The following C6orf163 variants were observed in gnomAD, a reference collection of about 807,000 sequenced individuals.
The protein encoded by C6orf163 is uncharacterized protein C6orf163.
Under a neutral mutation model 28.4 loss-of-function variants are expected in C6orf163, and 22 were observed. The ratio of observed to expected loss-of-function variants is 0.78; its 90% CI spans 0.55 to 1.11. The LOEUF is 1.11. Ranked by LOEUF, C6orf163 falls within the 50% of genes least tolerant of loss-of-function variation. C6orf163 has a pLI of 0.00. For missense variants in C6orf163, 342 were observed against 389.1 expected, an observed-to-expected ratio of 0.88 and a Z score of 1.02; for synonymous variants, 110 against 123.6, an observed-to-expected ratio of 0.89 and a Z score of 0.73.
chr6:87,350,062 A>T (rs574198691), intron 2 of C6orf163, among the ~76,000 whole-genome samples: 2 of 152,296 alleles, frequency 1.3e-5, no homozygotes, highest in East Asian at 3.9e-4. Context: ...CAATGCACAT[A>T]TGTTACTTTG....
At chr6:87,349,862 G>A (rs1004362706) in intron 2 of C6orf163, among the ~76,000 whole-genome samples, 1 of 152,162 alleles carries the variant, frequency 6.6e-6, no homozygotes, top group African/African-American at 2.4e-5. Context: ...CCTAATACAA[G>A]GTGATGCGTT....
chr6:87,348,246 G>C, intron 1 of C6orf163: 1 of 984,142 alleles, frequency 1.0e-6, no homozygotes, highest in African/African-American at 1.7e-5. Flanking sequence ...CCTTGTCTGG[G>C]TAGAGAGGAT....
intron 4 of C6orf163, among the ~76,000 whole-genome samples, chr6:87,360,209 A>G (rs924984210): frequency 1.3e-5 from 2 of 152,162 alleles, no homozygotes; most frequent in African/African-American, 2.4e-5. Flanking sequence ...GGAAAAACCA[A>G]AAAGTACTAA....
At chr6:87,353,708 C>A (rs1199766210) in intron 3 of C6orf163, among the ~76,000 whole-genome samples, 1 of 152,094 alleles carries the variant, frequency 6.6e-6, no homozygotes, top group Non-Finnish European at 1.5e-5. Context: ...GTTAAAATAT[C>A]CCCCTAAGGA....
intron 4 of C6orf163, among the ~76,000 whole-genome samples, chr6:87,364,168 C>T (rs948784449): frequency 6.6e-5 from 10 of 151,932 alleles, no homozygotes; most frequent in African/African-American, 2.4e-4. Context: ...ACCTGTAATC[C>T]CAGCTACTCT....
chr6:87,350,137 A>G (rs1394055269), intron 2 of C6orf163, among the ~76,000 whole-genome samples: 1 of 152,262 alleles, frequency 6.6e-6, no homozygotes, highest in Non-Finnish European at 1.5e-5. Flanking sequence ...TACATACAGT[A>G]AAGCTGCCTT....
rs747204950 is a variant in C6orf163 at position 87,348,540 on chromosome 6, G to T, written c.149-272G>T. 5.2e-6 allele frequency: 6 copies of T among 1,159,066 alleles called. No homozygotes were observed. The African/African-American group carries it at 6.4e-5, about 12-fold the overall frequency. 71.8% of individuals were successfully genotyped at this position (1,159,066 alleles called of 1,614,324 possible). ...GTGTACAAAATATGTCCCTTTCTTC[G>T]GGCATTTATTTCACCTCCCCAGTTG... On this transcript the variant is annotated intron_variant, in intron 1 of 4. Transcript: ENST00000388923.
At chr6:87,350,252 T>A in intron 2 of C6orf163, 142 bp from the exon 3 acceptor site, 2 of 622,232 alleles carry the variant, frequency 3.2e-6, no homozygotes, top group Non-Finnish European at 2.8e-6. Flanking sequence ...GAGATGGGAA[T>A]GGGGCAAGAA....
chr6:87,357,439 A>C (rs450712), intron 4 of C6orf163: 134,134 of 152,126 alleles, frequency 0.88, 59,219 homozygotes, highest in South Asian at 0.93. Context: ...ACAAACAGAT[A>C]CATTTCTATA....
intron 2 of C6orf163, among the ~76,000 whole-genome samples, chr6:87,350,001 C>T (rs1673251722): frequency 1.3e-5 from 2 of 152,224 alleles, no homozygotes; most frequent in Non-Finnish European, 2.9e-5. Flanking sequence ...TTACTCAGCT[C>T]CTTCTAGCTT....
intron 4 of C6orf163, 138 bp from the exon 5 acceptor site, chr6:87,364,823 A>G (rs1258401309): frequency 1.5e-6 from 1 of 661,868 alleles, no homozygotes; most frequent in East Asian, 2.7e-5. Context: ...AATGCAATCC[A>G]AAAGCTCATC....
intron 1 of C6orf163, chr6:87,348,008 TAGTC>T (rs879710283): frequency 2.1e-5 from 11 of 524,042 alleles, no homozygotes; most frequent in East Asian, 1.5e-4. Flanking sequence ...ATACAAAAAT[TAGTC>T]AGGCATGGTG....
intron 4 of C6orf163, among the ~76,000 whole-genome samples, chr6:87,363,306 A>C (rs943830941): frequency 6.8e-6 from 1 of 147,768 alleles, no homozygotes; most frequent in Admixed American, 6.9e-5. Flanking sequence ...GAGGCAGTCC[A>C]TGACATTAAA....
chr6:87,356,266 T>C (rs1777499979), intron 3 of C6orf163, 35 bp from the exon 4 acceptor site: 1 of 1,524,568 alleles, frequency 6.6e-7, no homozygotes. Context: ...ACATTAAGTC[T>C]GTAATAGCTA....
chr6:87,348,361 C>T, intron 1 of C6orf163: 1 of 987,154 alleles, frequency 1.0e-6, no homozygotes, highest in Non-Finnish European at 1.2e-6. Context: ...GTTAAACCCA[C>T]AAAGAACCAC....
chr6:87,351,416 G>T (rs1390562444), intron 3 of C6orf163, among the ~76,000 whole-genome samples: 1 of 152,146 alleles, frequency 6.6e-6, no homozygotes, highest in Non-Finnish European at 1.5e-5. Context: ...GATCTGTACC[G>T]GGTGAGATAA....
intron 1 of C6orf163, chr6:87,347,907 G>C: frequency 1.0e-6 from 1 of 981,166 alleles, no homozygotes; most frequent in Non-Finnish European, 1.2e-6. Flanking sequence ...TGTAATCCTA[G>C]CACTTTGGGA....
intron 4 of C6orf163, among the ~76,000 whole-genome samples, chr6:87,360,076 A>T (rs1047775018): frequency 6.6e-6 from 1 of 152,130 alleles, no homozygotes; most frequent in Non-Finnish European, 1.5e-5. Context: ...CCTAATGTGG[A>T]TCCAAAAACT....
rs571491453 is a variant in C6orf163, at chr6:87,347,619, A to G, written c.149-1193A>G. On this transcript the variant is annotated intron_variant, in intron 1 of 4. Transcript: ENST00000388923. ...TAGGAGACTCTGTGCCGCCAAACATATACTTTTAATTGCTAGTGACAGAAA... is the reference window on the plus strand; with the variant it reads ...TAGGAGACTCTGTGCCGCCAAACATGTACTTTTAATTGCTAGTGACAGAAA... 1.0e-5 allele frequency: 10 copies of G among 985,414 alleles called. No individual in the cohort carries two copies. The South Asian group carries it at 3.8e-4, about 37-fold the overall frequency. The allele number at this position is 985,414 out of a possible 1,614,324, so 61.0% of individuals were successfully genotyped here. A position where few individuals can be genotyped will look rare whatever the true frequency, so the allele number is the denominator to read the frequency against.
Sources: allele counts gnomAD v4.1 joint callset (sites outside exome capture counted in the v4.1 genomes callset), GRCh38; gene constraint gnomAD v4.1.1; transcripts MANE v1.5; gene names NCBI Gene and HGNC (gene_info 2026-07-23, HGNC 2026-07-21).